The following TMTC1 variants were observed in gnomAD, a reference collection of about 807,000 sequenced individuals.
TMTC1 encodes protein O-mannosyl-transferase TMTC1.
Under a neutral mutation model 104.8 loss-of-function variants are expected in TMTC1, and 73 were observed. The observed-to-expected ratio is 0.70, with a 90% CI of 0.58 to 0.85. TMTC1 has a LOEUF of 0.85. Among genes scored for constraint, TMTC1 ranks in the 40% least tolerant of loss-of-function variants. TMTC1 has a pLI of 0.00. For missense variants in TMTC1, 1,035 were observed against 1,096.1 expected (o/e 0.94, Z 0.79); for synonymous variants, 434 against 428.7 (o/e 1.01, Z -0.15).
chr12:29,708,964 T>C (rs569538437), intron 5 of TMTC1, among the ~76,000 whole-genome samples: 7 of 152,282 alleles, frequency 4.6e-5, no homozygotes, highest in Non-Finnish European at 1.0e-4. Flanking sequence ...AAATATTGTT[T>C]TGTCAAGAGA....
rs142161406 is a variant in TMTC1 at position 29,677,088 on chromosome 12, C to T, written c.939-43752G>A. ...CCTAAAAGCATTTATCATTTTAAGC[C>T]ATTAGGATTTTCAGTTCCACCTTCA... On this transcript the variant is annotated intron_variant, in intron 5 of 17. Coordinates refer to ENST00000539277, the MANE Select transcript of TMTC1 (RefSeq NM_001193451.2). Among the ~76,000 whole-genome samples, 924 of 152,278 alleles carry T rather than the reference C, an allele frequency of 6.1e-3. 10 individuals are homozygous for T. Among genetic ancestry groups the T allele is most frequent in the Non-Finnish European group, 6.4e-3 (432 of 68,016 alleles).
chr12:29,640,987 C>T (rs986814148), intron 5 of TMTC1: 14 of 152,230 alleles, frequency 9.2e-5, no homozygotes, highest in African/African-American at 2.9e-4. Context: ...GCTTCCCTGA[C>T]AACCTGCATG....
chr12:29,621,763 TG>T (rs1369155131), intron 6 of TMTC1, among the ~76,000 whole-genome samples: 4 of 152,162 alleles, frequency 2.6e-5, no homozygotes, highest in Non-Finnish European at 5.9e-5. Flanking sequence ...GTCTGTGACA[TG>T]GACCAGCATG....
In TMTC1 at chr12:29,783,774, C is replaced by T; in HGVS notation, c.-23G>A. 8.8e-7 allele frequency: 1 copy of T among 1,139,142 alleles called. No homozygotes were observed. The highest frequency in any genetic ancestry group is 4.2e-5 in the South Asian group (1 of 23,538). 70.6% of individuals were successfully genotyped at this position (1,139,142 alleles called of 1,614,324 possible). A position where few individuals can be genotyped will look rare whatever the true frequency, so the allele number is the denominator to read the frequency against. Reference sequence around the variant, plus strand: ...CATCGCGCCGCCGCCGCCGCTGCTGCCCTGGCCTCTCCCGGGCGTCTGGCA... The same window carrying T: ...CATCGCGCCGCCGCCGCCGCTGCTGTCCTGGCCTCTCCCGGGCGTCTGGCA... On this transcript the variant is annotated 5_prime_UTR_variant, in exon 1 of 18. Transcript: ENST00000539277. The surrounding 1 kb of genome is among the most constrained non-coding windows in gnomAD (Gnocchi z 4.7).
chr12:29,590,504 T>C (rs1471404090), intron 7 of TMTC1, among the ~76,000 whole-genome samples: 2 of 151,996 alleles, frequency 1.3e-5, no homozygotes, highest in Non-Finnish European at 2.9e-5. Context: ...AATCCACGTG[T>C]GGCCAGGCAT....
intron 11 of TMTC1, chr12:29,535,279 CA>C (rs1278787589): frequency 6.6e-6 from 1 of 152,224 alleles, no homozygotes; most frequent in Admixed American, 6.5e-5. Context: ...TATACTAAAG[CA>C]TGCGTTAAAA....
At chr12:29,640,079 T>C in intron 5 of TMTC1, among the ~76,000 whole-genome samples, 1 of 152,180 alleles carries the variant, frequency 6.6e-6, no homozygotes, top group African/African-American at 2.4e-5. Flanking sequence ...CCTGAACACT[T>C]GCTGCTTCAG....
intron 1 of TMTC1, among the ~76,000 whole-genome samples, chr12:29,774,201 G>A (rs2120592501): frequency 6.6e-6 from 1 of 152,252 alleles, no homozygotes; most frequent in East Asian, 1.9e-4. Context: ...ATCATCTGGT[G>A]TGGTAGCTAC....
chr12:29,630,173 T>G (rs900751392), intron 6 of TMTC1, among the ~76,000 whole-genome samples: 1 of 152,214 alleles, frequency 6.6e-6, no homozygotes, highest in African/African-American at 2.4e-5. Context: ...TATAGGGTAT[T>G]TAGTTTGTTT....
chr12:29,643,648 T>TA (rs1292371299), intron 5 of TMTC1, among the ~76,000 whole-genome samples: 3 of 14,690 alleles, frequency 2.0e-4, no homozygotes, highest in African/African-American at 7.4e-4. Flanking sequence ...AATATATATG[T>TA]TATATTATAT....
intron 7 of TMTC1, among the ~76,000 whole-genome samples, chr12:29,593,757 T>G (rs924665429): frequency 6.6e-6 from 1 of 152,248 alleles, no homozygotes; most frequent in Admixed American, 6.5e-5. Context: ...AATTAATACA[T>G]AATGAGGAAG....
chr12:29,747,921 T>C (rs1190811337), intron 5 of TMTC1, among the ~76,000 whole-genome samples: 2 of 152,216 alleles, frequency 1.3e-5, no homozygotes. Context: ...TTAAACACTC[T>C]GTCTGCAGAG....
intron 5 of TMTC1, among the ~76,000 whole-genome samples, chr12:29,634,602 T>G (rs997228431): frequency 1.3e-5 from 2 of 152,222 alleles, no homozygotes; most frequent in Admixed American, 6.5e-5. Context: ...TCAGCTCATA[T>G]CTGATTGTGT....
chr12:29,770,067 G>C (rs913266231), intron 1 of TMTC1, among the ~76,000 whole-genome samples: 3 of 151,652 alleles, frequency 2.0e-5, no homozygotes, highest in Admixed American at 1.3e-4. Context: ...CCAAATCCTT[G>C]ATAAATTTGA....
intron 5 of TMTC1, among the ~76,000 whole-genome samples, chr12:29,679,840 T>C (rs1263077954): frequency 1.3e-5 from 2 of 152,080 alleles, no homozygotes; most frequent in African/African-American, 2.4e-5. Context: ...TTTTGTAGAT[T>C]TAGAAGCAGT....
chr12:29,750,172 C>T (rs1481300493), intron 5 of TMTC1, among the ~76,000 whole-genome samples: 1 of 152,008 alleles, frequency 6.6e-6, no homozygotes, highest in African/African-American at 2.4e-5. Flanking sequence ...TTCACCTGTG[C>T]CCTGCCCCCT....
chr12:29,601,601 T>C (rs190489701), intron 7 of TMTC1, among the ~76,000 whole-genome samples: 16 of 151,824 alleles, frequency 1.1e-4, no homozygotes, highest in Admixed American at 1.0e-3. Context: ...AGGGAAGCAA[T>C]ATAGTCTGGA....
intron 10 of TMTC1, among the ~76,000 whole-genome samples, chr12:29,541,547 C>G (rs1442645486): frequency 6.6e-6 from 1 of 151,990 alleles, no homozygotes; most frequent in East Asian, 1.9e-4. Context: ...TTGATATAGT[C>G]TCTCCTAAAT....
At chr12:29,625,074 C>T (rs1937907017) in intron 6 of TMTC1, among the ~76,000 whole-genome samples, 1 of 152,110 alleles carries the variant, frequency 6.6e-6, no homozygotes, top group African/African-American at 2.4e-5. Flanking sequence ...AATTTCAGCT[C>T]GATACTTGCT....
Sources: allele counts gnomAD v4.1 joint callset (sites outside exome capture counted in the v4.1 genomes callset), GRCh38; gene constraint gnomAD v4.1.1; non-coding constraint Gnocchi (gnomAD v3.1); transcripts MANE v1.5; gene names NCBI Gene and HGNC (gene_info 2026-07-23, HGNC 2026-07-21).